Variants in SORCS2 observed in about 807,000 individuals in gnomAD.
SORCS2 encodes sortilin related VPS10 domain containing receptor 2, also known as VPS10 domain-containing receptor SorCS2.
SORCS2 carries 100 observed loss-of-function variants against 141.6 expected under a neutral mutation model. The observed-to-expected ratio is 0.71, with a 90% CI of 0.60 to 0.83. The LOEUF is 0.83. SORCS2 is among the 40% of genes least tolerant of loss of function. SORCS2 has a pLI of 0.00. For synonymous variants in SORCS2, 789 were observed against 676.9 expected (o/e 1.17, Z -2.57); for missense variants, 1,646 against 1,560.2 (o/e 1.05, Z -0.93).
chr4:7,327,282 C>T (rs568504811), intron 1 of SORCS2, among the ~76,000 whole-genome samples: 2 of 152,342 alleles, frequency 1.3e-5, no homozygotes, highest in African/African-American at 4.8e-5. Flanking sequence ...GGATCCTCCT[C>T]ACCTGTCCCA....
chr4:7,508,371 T>C (rs1473692424), intron 2 of SORCS2, among the ~76,000 whole-genome samples: 3 of 125,402 alleles, frequency 2.4e-5, no homozygotes, highest in Non-Finnish European at 5.1e-5. Flanking sequence ...TTTTTTTTTT[T>C]TGACACAGTC....
intron 1 of SORCS2, among the ~76,000 whole-genome samples, chr4:7,273,949 T>C (rs1266337649): frequency 1.3e-5 from 2 of 152,188 alleles, no homozygotes; most frequent in Non-Finnish European, 2.9e-5. Flanking sequence ...ATGGAGACAA[T>C]GTGGCCTCCG....
intron 26 of SORCS2, among the ~76,000 whole-genome samples, chr4:7,739,497 G>A (rs578143533): frequency 6.6e-6 from 1 of 152,208 alleles, no homozygotes; most frequent in Admixed American, 6.5e-5. Flanking sequence ...GTCCACGCCA[G>A]CCTTGCCAAT....
chr4:7,654,048 G>C (rs896042752), intron 4 of SORCS2, 86 bp from the exon 5 acceptor site: 3 of 1,222,848 alleles, frequency 2.5e-6, no homozygotes, highest in East Asian at 2.6e-5. Context: ...TGGGGGATCT[G>C]CTGTGGTGAA....
chr4:7,490,159 C>G (rs1434108576), intron 2 of SORCS2, among the ~76,000 whole-genome samples: 5 of 152,122 alleles, frequency 3.3e-5, no homozygotes, highest in African/African-American at 1.2e-4. Context: ...GCAGAAGGGC[C>G]CAGGGGCCTC....
chr4:7,400,334 C>G (rs1259490985), intron 2 of SORCS2, among the ~76,000 whole-genome samples: 2 of 152,182 alleles, frequency 1.3e-5, no homozygotes, highest in East Asian at 1.9e-4. Flanking sequence ...ATCCTGCCCC[C>G]CATTCAGTCT....
chr4:7,564,253 C>T (rs1714804520), intron 3 of SORCS2, among the ~76,000 whole-genome samples: 1 of 152,232 alleles, frequency 6.6e-6, no homozygotes, highest in South Asian at 2.1e-4. Context: ...ATTCTCTCTA[C>T]TTCTCCAGCC....
chr4:7,484,208 G>A (rs969402749), intron 2 of SORCS2, among the ~76,000 whole-genome samples: 8 of 152,284 alleles, frequency 5.3e-5, no homozygotes, highest in South Asian at 2.1e-4. Context: ...GCGTCCCTGC[G>A]CCGGCAGATC....
At position 7,632,638 on chromosome 4, in the gene SORCS2, C is replaced by T. The variant is rs576863358; in HGVS notation, c.649-5690C>T. On this transcript the variant is annotated intron_variant, in intron 3 of 26. Coordinates refer to ENST00000507866, the MANE Select transcript of SORCS2 (RefSeq NM_020777.3). Reference sequence around the variant, plus strand: ...AAAGCCCAGGGCCTAATGGAGGGTGCGGACTGCCGCAGAAAGGGCCTGTGA... The same window carrying T: ...AAAGCCCAGGGCCTAATGGAGGGTGTGGACTGCCGCAGAAAGGGCCTGTGA... Among the ~76,000 whole-genome samples the T allele has an allele frequency of 2.2e-4, 33 of 152,288 alleles. 1 individual carries two copies. The East Asian group carries it at 3.3e-3, about 15-fold the overall frequency.
chr4:7,677,626 G>T (rs966323980), intron 9 of SORCS2, among the ~76,000 whole-genome samples: 3 of 152,222 alleles, frequency 2.0e-5, no homozygotes, highest in East Asian at 1.9e-4. Flanking sequence ...CCCTGGGCAG[G>T]CAGTGGCATT....
intron 2 of SORCS2, among the ~76,000 whole-genome samples, chr4:7,501,346 CAG>C (rs112722389): frequency 0.16 from 24,939 of 152,130 alleles, 3,597 homozygotes; most frequent in African/African-American, 0.39. Flanking sequence ...GAGTGAAAAA[CAG>C]AAGCAGCACA....
chr4:7,352,687 C>T (rs1273645581), intron 1 of SORCS2, among the ~76,000 whole-genome samples: 2 of 152,228 alleles, frequency 1.3e-5, no homozygotes, highest in Non-Finnish European at 2.9e-5. Flanking sequence ...AGTGCATCCT[C>T]AGAGGACACC....
chr4:7,497,751 GGTGA>G (rs1731716946), intron 2 of SORCS2, among the ~76,000 whole-genome samples: 3 of 152,260 alleles, frequency 2.0e-5, no homozygotes, highest in Non-Finnish European at 4.4e-5. Flanking sequence ...GATCCACAAG[GGTGA>G]GTGAGTTGCC....
intron 12 of SORCS2, among the ~76,000 whole-genome samples, chr4:7,702,222 TG>T (rs2109013574): frequency 6.6e-6 from 1 of 150,788 alleles, no homozygotes; most frequent in South Asian, 2.1e-4. Context: ...GCCACAGGCC[TG>T]GGAGACAGAT....
In SORCS2 at chr4:7,741,672, G is replaced by C. The variant is rs575878106; in HGVS notation, c.*1408G>C. On this transcript the variant is annotated 3_prime_UTR_variant, in exon 27 of 27. Transcript: ENST00000507866. ...CAGAGCCCTGGATGGTGATGCGCTG[G>C]CTGGGGGTGAATCCCAATGAGGGTC... is the stretch of plus-strand genomic sequence containing the variant. 46 of 166,382 alleles carry C rather than the reference G, an allele frequency of 2.8e-4. No homozygotes were observed. In the East Asian group the frequency reaches 6.3e-3, roughly 23 times the overall value. The allele number at this position is 166,382 out of a possible 1,614,324, so 10.3% of individuals were successfully genotyped here. A position where few individuals can be genotyped will look rare whatever the true frequency, so the allele number is the denominator to read the frequency against.
chr4:7,570,449 C>T (rs1715312826), intron 3 of SORCS2, among the ~76,000 whole-genome samples: 1 of 152,232 alleles, frequency 6.6e-6, no homozygotes, highest in African/African-American at 2.4e-5. Context: ...GGTGCTCTGC[C>T]CTGCAGGCTG....
chr4:7,530,101 G>C (rs915446626), intron 2 of SORCS2, among the ~76,000 whole-genome samples: 7 of 152,208 alleles, frequency 4.6e-5, no homozygotes, highest in African/African-American at 1.7e-4. Flanking sequence ...TGGAGCCTCA[G>C]GTTCACTTGA....
At chr4:7,280,600 T>C (rs574935421) in intron 1 of SORCS2, among the ~76,000 whole-genome samples, 5 of 152,358 alleles carry the variant, frequency 3.3e-5, no homozygotes, top group African/African-American at 1.2e-4. Flanking sequence ...GTGGTAAGAA[T>C]ATACGTAGCT....
chr4:7,665,201 GCCT>G (rs752373905), intron 7 of SORCS2, among the ~76,000 whole-genome samples: 8 of 152,160 alleles, frequency 5.3e-5, no homozygotes, highest in Non-Finnish European at 1.2e-4. Context: ...GTGCTTCCCA[GCCT>G]CCTCCTTTCC....
Sources: gnomAD v4.1 joint callset for allele counts (sites outside exome capture counted in the v4.1 genomes callset) on GRCh38, gnomAD v4.1.1 for gene constraint, MANE v1.5 for transcripts, NCBI Gene and HGNC (gene_info 2026-07-23, HGNC 2026-07-21) for gene names.